Variants in TDRD12 observed in about 807,000 individuals in gnomAD.
The protein encoded by TDRD12 is putative ATP-dependent RNA helicase TDRD12.
Under a neutral mutation model 133.5 loss-of-function variants are expected in TDRD12, and 158 were observed. The ratio of observed to expected loss-of-function variants is 1.18; its 90% CI spans 1.04 to 1.35. The LOEUF is 1.35. Among genes scored for constraint, TDRD12 ranks in the 40% most tolerant of loss-of-function variants. The pLI, the probability that TDRD12 is intolerant of heterozygous loss-of-function variation, is 0.00. For missense variants in TDRD12, 1,443 were observed against 1,321.3 expected (o/e 1.09, Z -1.43); for synonymous variants, 460 against 477.9 (o/e 0.96, Z 0.49).
chr19:32,821,925 T>C (rs2145761757), downstream of TDRD12, among the ~76,000 whole-genome samples: 1 of 152,244 alleles, frequency 6.6e-6, no homozygotes, highest in South Asian at 2.1e-4. Context: ...ATTTCTGACG[T>C]GTATGAACTT....
At chr19:32,758,749 AT>A (rs1179329884) in intron 8 of TDRD12, among the ~76,000 whole-genome samples, 2 of 152,174 alleles carry the variant, frequency 1.3e-5, no homozygotes, top group African/African-American at 4.8e-5. Flanking sequence ...AGCCTGGCCA[AT>A]ATGGTGAAAC....
chr19:32,777,151 C>G, exon 11 of TDRD12: 1 of 1,534,096 alleles, frequency 6.5e-7, no homozygotes, highest in Admixed American at 2.1e-5. Context: ...ATTTCTAGTG[C>G]TTTAAGTCAG....
chr19:32,827,307 A>G lies in TDRD12; in HGVS notation c.*141A>G, dbSNP rs189007644. On this transcript the variant is annotated 3_prime_UTR_variant, in exon 10 of 10. Transcript: ENST00000637289. ...GCTGGAAGATGTTGAACAAAAATGG[A>G]TATTGCCATGTGACCGACAGTTAAG... 9 of 1,143,690 alleles carry G rather than the reference A, an allele frequency of 7.9e-6. No individual in the cohort carries two copies. In the East Asian group the frequency reaches 2.7e-4, roughly 34 times the overall value. 70.8% of individuals were successfully genotyped at this position (1,143,690 alleles called of 1,614,324 possible). A position where few individuals can be genotyped will look rare whatever the true frequency, so the allele number is the denominator to read the frequency against.
chr19:32,790,217 G>A, intron 11 of TDRD12, among the ~76,000 whole-genome samples: 1 of 152,162 alleles, frequency 6.6e-6, no homozygotes, highest in East Asian at 1.9e-4. Flanking sequence ...CTCAGCAGAG[G>A]TGACTGTGGA....
At chr19:32,775,404 C>G (rs1451979994) in intron 10 of TDRD12, among the ~76,000 whole-genome samples, 1 of 152,180 alleles carries the variant, frequency 6.6e-6, no homozygotes, top group Non-Finnish European at 1.5e-5. Context: ...AATCATAACT[C>G]ACTATAGCCT....
intron 4 of TDRD12, among the ~76,000 whole-genome samples, chr19:32,744,199 G>A (rs193138839): frequency 6.6e-6 from 1 of 151,796 alleles, no homozygotes; most frequent in African/African-American, 2.4e-5. Flanking sequence ...GTACAGTCCC[G>A]TAAGTATATG....
chr19:32,792,671 G>A (rs1206725837), intron 13 of TDRD12, among the ~76,000 whole-genome samples: 1 of 152,164 alleles, frequency 6.6e-6, no homozygotes, highest in African/African-American at 2.4e-5. Flanking sequence ...GATTAACATA[G>A]GAACATTTTC....
chr19:32,790,615 A>G, intron 12 of TDRD12, 24 bp downstream of exon 12: 1 of 1,551,638 alleles, frequency 6.4e-7, no homozygotes, highest in Middle Eastern at 1.7e-4. Context: ...TAAAAAAAGT[A>G]AAATAAAAAG....
At chr19:32,772,478 A>G (rs1970468472) in intron 8 of TDRD12, among the ~76,000 whole-genome samples, 1 of 152,182 alleles carries the variant, frequency 6.6e-6, no homozygotes, top group African/African-American at 2.4e-5. Flanking sequence ...TCTGAGGGAA[A>G]TGTCATCTGA....
intron 11 of TDRD12, among the ~76,000 whole-genome samples, chr19:32,777,813 A>ATG: frequency 2.4e-4 from 1 of 4,208 alleles, no homozygotes; most frequent in East Asian, 9.6e-3. Flanking sequence ...ACTGATTTAC[A>ATG]TATATATATA....
intron 8 of TDRD12, among the ~76,000 whole-genome samples, chr19:32,757,699 A>G (rs181659174): frequency 1.1e-4 from 16 of 152,248 alleles, no homozygotes; most frequent in East Asian, 5.8e-4. Context: ...AAGTGAAACA[A>G]TGTTATAACG....
rs1568504210 is a variant in TDRD12 at position 32,827,380 on chromosome 19, T to TC, written c.*214_*215insC. 1.1e-5 allele frequency: 5 copies of TC among 456,628 alleles called. No homozygotes were observed. The East Asian group carries it at 1.7e-4, about 16-fold the overall frequency. The allele number at this position is 456,628 out of a possible 1,614,324, so 28.3% of individuals were successfully genotyped here. On this transcript the variant is annotated 3_prime_UTR_variant, in exon 10 of 10. Transcript: ENST00000637289. ...TCTTTTTCTTTTCTTTTCTTTTTTT[T>TC]TTTTTTTTTTTTTTTTTGAGACAGA...
At chr19:32,777,812 C>CATATATATATATATATATATAT (rs1165802411) in intron 11 of TDRD12, among the ~76,000 whole-genome samples, 1 of 27,670 alleles carries the variant, frequency 3.6e-5, no homozygotes, top group African/African-American at 1.6e-4. Flanking sequence ...AACTGATTTA[C>CATATATATATATATATATATAT]ATATATATAT....
At chr19:32,773,609 G>GA in intron 10 of TDRD12, 77 bp downstream of exon 10, 4 of 1,322,472 alleles carry the variant, frequency 3.0e-6, no homozygotes, top group East Asian at 5.1e-5. Context: ...GAGCTGGGGG[G>GA]ATCGCTTAAG....
At chr19:32,747,585 C>T (rs1240934710) in intron 4 of TDRD12, among the ~76,000 whole-genome samples, 1 of 152,162 alleles carries the variant, frequency 6.6e-6, no homozygotes, top group Non-Finnish European at 1.5e-5. Context: ...CCTCTTTCCC[C>T]ACTGCCTACA....
chr19:32,787,575 C>T (rs1372368408), intron 11 of TDRD12, among the ~76,000 whole-genome samples: 1 of 152,198 alleles, frequency 6.6e-6, no homozygotes, highest in Non-Finnish European at 1.5e-5. Context: ...GCGGTGGGCT[C>T]CACCCAGTTT....
rs1295995635 is a variant in TDRD12, at chr19:32,811,431, T to C, written c.3048+11T>C. ...GAATGGAATCCGAAGGTGGGTGATT[T>C]TGGCTTTTTATCTATTGTTGACTTT... is the stretch of plus-strand genomic sequence containing the variant. On this transcript the variant is annotated intron_variant, in intron 24 of 27. Coordinates refer to ENST00000444215, the Ensembl canonical transcript of TDRD12. 5 of 1,535,474 alleles carry C rather than the reference T, an allele frequency of 3.3e-6. No individual in the cohort carries two copies. The highest frequency in any genetic ancestry group is 4.4e-6 in the Non-Finnish European group (5 of 1,146,402).
At chr19:32,794,855 A>G (rs1187110362) in intron 14 of TDRD12, 42 bp downstream of exon 14, 2 of 687,498 alleles carry the variant, frequency 2.9e-6, no homozygotes, top group East Asian at 2.7e-5. Flanking sequence ...AATGGGTTAA[A>G]TATTTATTTT....
At chr19:32,740,478 G>T (rs1187164442) in intron 3 of TDRD12, among the ~76,000 whole-genome samples, 2 of 145,736 alleles carry the variant, frequency 1.4e-5, no homozygotes, top group Non-Finnish European at 3.0e-5. Context: ...TCTCCTGGGT[G>T]CTCTCTGCAT....
Sources: allele counts gnomAD v4.1 joint callset (sites outside exome capture counted in the v4.1 genomes callset), GRCh38; gene constraint gnomAD v4.1.1; transcripts MANE v1.5; gene names NCBI Gene and HGNC (gene_info 2026-07-23, HGNC 2026-07-21).